SEZ6L: variants seen among roughly 807,000 people sequenced by gnomAD.
SEZ6L encodes the protein seizure 6-like protein.
Under a neutral mutation model 106.2 loss-of-function variants are expected in SEZ6L, and 37 were observed. The observed-to-expected ratio is 0.35, with a 90% confidence interval of 0.27 to 0.46. The LOEUF (loss-of-function observed/expected upper bound fraction) is 0.46, where lower values mean the gene tolerates loss of function less well. Ranked by LOEUF, SEZ6L falls within the 20% of genes least tolerant of loss-of-function variation. SEZ6L has a pLI of 1.00. For synonymous variants in SEZ6L, 541 were observed against 570.4 expected, an observed-to-expected ratio of 0.95 and a Z score of 0.73; for missense variants, 1,172 against 1,332.8, an observed-to-expected ratio of 0.88 and a Z score of 1.88.
intron 4 of SEZ6L, among the ~76,000 whole-genome samples, chr22:26,297,361 T>C (rs1459119500): frequency 6.6e-6 from 1 of 152,224 alleles, no homozygotes; most frequent in Non-Finnish European, 1.5e-5. Context: ...CTAGTAGTTC[T>C]TATAATTGCT....
At chr22:26,277,378 C>T (rs1172737372) in intron 1 of SEZ6L, among the ~76,000 whole-genome samples, 3 of 152,312 alleles carry the variant, frequency 2.0e-5, no homozygotes, top group Middle Eastern at 3.4e-3. Context: ...TGTGAGTTCA[C>T]GTGTGCAGTT....
At chr22:26,334,260 G>A (rs1249634415) in intron 9 of SEZ6L, among the ~76,000 whole-genome samples, 2 of 151,934 alleles carry the variant, frequency 1.3e-5, no homozygotes, top group Non-Finnish European at 2.9e-5. Flanking sequence ...ATTCCATACC[G>A]ATTAAGCAAT....
At chr22:26,289,793 G>C (rs1198554652) in intron 1 of SEZ6L, among the ~76,000 whole-genome samples, 1 of 152,192 alleles carries the variant, frequency 6.6e-6, no homozygotes, top group Non-Finnish European at 1.5e-5. Flanking sequence ...TTAAATGACA[G>C]CACTGGAGGG....
chr22:26,282,622 C>T (rs1336418871), intron 1 of SEZ6L, among the ~76,000 whole-genome samples: 1 of 152,120 alleles, frequency 6.6e-6, no homozygotes, highest in Non-Finnish European at 1.5e-5. Flanking sequence ...TGGGACCAAC[C>T]GTAGGCACAG....
chr22:26,229,428 T>A (rs2078732621), intron 1 of SEZ6L, among the ~76,000 whole-genome samples: 1 of 152,032 alleles, frequency 6.6e-6, no homozygotes, highest in African/African-American at 2.4e-5. Flanking sequence ...CCAGCTGTTT[T>A]AAAAAAAATA....
intron 1 of SEZ6L, among the ~76,000 whole-genome samples, chr22:26,237,184 C>T (rs189157193): frequency 6.6e-6 from 1 of 152,298 alleles, no homozygotes; most frequent in East Asian, 1.9e-4. Context: ...CAAGTTTCTA[C>T]CTAATATGGT....
intron 10 of SEZ6L, among the ~76,000 whole-genome samples, chr22:26,340,959 G>A (rs1185096526): frequency 6.6e-6 from 1 of 152,166 alleles, no homozygotes; most frequent in Admixed American, 6.5e-5. Flanking sequence ...CATAACTTAT[G>A]TTTCATGTGT....
At chr22:26,351,813 C>T (rs2083292163) in intron 12 of SEZ6L, among the ~76,000 whole-genome samples, 1 of 151,966 alleles carries the variant, frequency 6.6e-6, no homozygotes, top group African/African-American at 2.4e-5. Context: ...TCCCAAAGTG[C>T]TGGGATTACA....
intron 1 of SEZ6L, among the ~76,000 whole-genome samples, chr22:26,170,740 G>A (rs1402775851): frequency 6.6e-6 from 1 of 152,200 alleles, no homozygotes; most frequent in Non-Finnish European, 1.5e-5. Context: ...AAATCAATGG[G>A]AGGGTTAGTT....
Position 26,169,668 on chromosome 22 carries a change from C to G in SEZ6L, c.-2C>G, listed in dbSNP as rs1457007958. On this transcript the variant is annotated 5_prime_UTR_variant, in exon 1 of 17. Coordinates refer to ENST00000248933, the MANE Select transcript of SEZ6L (RefSeq NM_021115.5). Reference sequence around the variant, plus strand: ...AGCGGCTCCGCGCCCCCTGCAGCCACGATGCCCGCGGCCCGGCCGCCCGCC... The same window carrying G: ...AGCGGCTCCGCGCCCCCTGCAGCCAGGATGCCCGCGGCCCGGCCGCCCGCC... 11 of 1,287,986 alleles carry G rather than the reference C, an allele frequency of 8.5e-6. No individual in the cohort carries two copies. Among genetic ancestry groups the G allele is most frequent in the East Asian group, 3.1e-5 (1 of 31,966 alleles). The allele number at this position is 1,287,986 out of a possible 1,614,324, so 79.8% of individuals were successfully genotyped here. A position where few individuals can be genotyped will look rare whatever the true frequency, so the allele number is the denominator to read the frequency against.
chr22:26,185,011 G>A (rs1181980091), intron 1 of SEZ6L, among the ~76,000 whole-genome samples: 4 of 152,224 alleles, frequency 2.6e-5, no homozygotes, highest in African/African-American at 9.6e-5. Context: ...TTGAACCCAG[G>A]TGGCAGAGGC....
intron 1 of SEZ6L, among the ~76,000 whole-genome samples, chr22:26,173,512 C>T (rs557660456): frequency 6.6e-6 from 1 of 152,108 alleles, no homozygotes; most frequent in Admixed American, 6.5e-5. Context: ...TACTGGAGAT[C>T]GAGCGGATGC....
At chr22:26,195,783 G>T (rs190874408) in intron 1 of SEZ6L, among the ~76,000 whole-genome samples, 3,355 of 151,152 alleles carry the variant, frequency 0.022, 121 homozygotes, top group African/African-American at 0.077. Context: ...CATATATATA[G>T]TGTGTGTATA....
rs551102945 is a variant in SEZ6L, at chr22:26,369,489, C to T, written c.2794+3923C>T. 2.3e-3 allele frequency among the ~76,000 whole-genome samples: 345 copies of T among 151,478 alleles called. 1 individual carries two copies. The highest frequency in any genetic ancestry group is 7.8e-3 in the African/African-American group (320 of 41,244). ...CCGAGTAGCTGGGACTACAGGCGCC[C>T]GCCACCACACCCGGCTAATTTTTTG... is the stretch of plus-strand genomic sequence containing the variant. On this transcript the variant is annotated intron_variant, in intron 13 of 16. Coordinates refer to ENST00000248933, the MANE Select transcript of SEZ6L (RefSeq NM_021115.5).
chr22:26,315,378 C>T (rs1310429002), intron 9 of SEZ6L, among the ~76,000 whole-genome samples: 1 of 152,050 alleles, frequency 6.6e-6, no homozygotes, highest in African/African-American at 2.4e-5. Context: ...ACTTGGGAGG[C>T]TGAGATGGGA....
chr22:26,255,521 A>C (rs1440684042), intron 1 of SEZ6L, among the ~76,000 whole-genome samples: 2 of 152,262 alleles, frequency 1.3e-5, no homozygotes, highest in African/African-American at 4.8e-5. Flanking sequence ...AGCCTGAATC[A>C]AAATGCCAGC....
At chr22:26,179,529 C>T (rs1339987776) in intron 1 of SEZ6L, among the ~76,000 whole-genome samples, 1 of 152,218 alleles carries the variant, frequency 6.6e-6, no homozygotes, top group East Asian at 1.9e-4. Flanking sequence ...TTGGACTTCC[C>T]AGTCTCCAGA....
At chr22:26,350,162 T>C (rs1306011178) in intron 11 of SEZ6L, among the ~76,000 whole-genome samples, 1 of 150,638 alleles carries the variant, frequency 6.6e-6, no homozygotes, top group East Asian at 1.9e-4. Context: ...TGCAAATTAT[T>C]TGGGCAAATT....
chr22:26,303,671 A>T (rs1051671632), intron 5 of SEZ6L, among the ~76,000 whole-genome samples: 2 of 152,210 alleles, frequency 1.3e-5, no homozygotes, highest in African/African-American at 2.4e-5. Context: ...GTAAATATTT[A>T]CTGAGCACAT....
Sources: gnomAD v4.1 joint callset for allele counts (sites outside exome capture counted in the v4.1 genomes callset) on GRCh38, gnomAD v4.1.1 for gene constraint, MANE v1.5 for transcripts, NCBI Gene and HGNC (gene_info 2026-07-23, HGNC 2026-07-21) for gene names.